RBFOX1: variants seen among roughly 807,000 people sequenced by gnomAD.
The protein encoded by RBFOX1 is RNA binding fox-1 homolog 1, also known as RNA binding protein fox-1 homolog 1.
A neutral mutation model predicts 57.7 loss-of-function variants in RBFOX1; 8 were observed. That is an observed-to-expected ratio of 0.14 (90% CI 0.08 to 0.25). The LOEUF (loss-of-function observed/expected upper bound fraction) is 0.25. Among genes scored for constraint, RBFOX1 ranks in the 10% least tolerant of loss-of-function variants. The pLI, the probability that RBFOX1 is intolerant of heterozygous loss-of-function variation, is 1.00. For synonymous variants in RBFOX1, 326 were observed against 222.4 expected, an observed-to-expected ratio of 1.47 and a Z score of -4.15; for missense variants, 611 against 548.5, an observed-to-expected ratio of 1.11 and a Z score of -1.14.
chr16:6,955,691 A>ATTTT (rs1199217624), intron 3 of RBFOX1, among the ~76,000 whole-genome samples: 6 of 150,534 alleles, frequency 4.0e-5, no homozygotes, highest in Non-Finnish European at 5.9e-5. Flanking sequence ...GTATGTATGT[A>ATTTT]TTTATTTATT....
chr16:6,961,521 TA>T (rs1451392726), intron 3 of RBFOX1, among the ~76,000 whole-genome samples: 4 of 152,290 alleles, frequency 2.6e-5, no homozygotes, highest in Non-Finnish European at 5.9e-5. Context: ...AGCGAGTCCG[TA>T]AAGTCAAAGC....
intron 2 of RBFOX1, among the ~76,000 whole-genome samples, chr16:5,569,213 G>C (rs1278925669): frequency 6.6e-6 from 1 of 152,020 alleles, no homozygotes; most frequent in African/African-American, 2.4e-5. Context: ...CAGGGCATTG[G>C]TGGAGCCGGG....
chr16:7,210,500 A>C lies in RBFOX1; in HGVS notation c.27+158402A>C, dbSNP rs530903019. Among the ~76,000 whole-genome samples, 44 of 152,334 alleles carry C rather than the reference A, an allele frequency of 2.9e-4. No homozygotes were observed. In the South Asian group the frequency reaches 6.0e-3, roughly 21 times the overall value. ...ACAATCAATGTTAGGTGTTATTCAT[A>C]TCTATAAAATGCCTTCACAGCAATA... On this transcript the variant is annotated intron_variant, in intron 4 of 15. Coordinates refer to ENST00000550418, the MANE Select transcript of RBFOX1 (RefSeq NM_018723.4).
At chr16:6,498,715 TGTA>T (rs2095840631) in intron 2 of RBFOX1, among the ~76,000 whole-genome samples, 1 of 152,180 alleles carries the variant, frequency 6.6e-6, no homozygotes, top group Non-Finnish European at 1.5e-5. Flanking sequence ...GTATTTACAA[TGTA>T]TTAAGTCCTG....
intron 1 of RBFOX1, among the ~76,000 whole-genome samples, chr16:6,153,823 A>C (rs549261300): frequency 6.6e-6 from 1 of 152,324 alleles, no homozygotes; most frequent in African/African-American, 2.4e-5. Flanking sequence ...GGTGTGAGCC[A>C]CCATGCCCGG....
chr16:6,848,460 G>C (rs374233692), intron 3 of RBFOX1, among the ~76,000 whole-genome samples: 1 of 152,100 alleles, frequency 6.6e-6, no homozygotes, highest in Admixed American at 6.6e-5. Flanking sequence ...GCAGGCACCC[G>C]ATTGCCAGCC....
At chr16:7,230,100 A>G (rs2093413319) in intron 4 of RBFOX1, among the ~76,000 whole-genome samples, 1 of 147,166 alleles carries the variant, frequency 6.8e-6, no homozygotes, top group African/African-American at 2.5e-5. Context: ...AGGGGAGGGA[A>G]AGAAGGAAGG....
intron 1 of RBFOX1, among the ~76,000 whole-genome samples, chr16:5,353,416 G>C (rs2065308671): frequency 6.6e-6 from 1 of 151,460 alleles, no homozygotes; most frequent in South Asian, 2.1e-4. Flanking sequence ...GAGTTCCCCA[G>C]CCCTCCCCTC....
chr16:7,406,035 A>G (rs1386083138), intron 4 of RBFOX1, among the ~76,000 whole-genome samples: 1 of 152,154 alleles, frequency 6.6e-6, no homozygotes, highest in African/African-American at 2.4e-5. Context: ...CACAACAAAG[A>G]ATTACCTGGT....
Position 6,097,214 on chromosome 16 carries a change from G to C in RBFOX1, c.-127+77222G>C, listed in dbSNP as rs1232289012. Among the ~76,000 whole-genome samples the C allele has an allele frequency of 3.3e-5, 5 of 152,188 alleles. No homozygotes were observed. The highest frequency in any genetic ancestry group is 9.6e-5 in the African/African-American group (4 of 41,452). On this transcript the variant is annotated intron_variant, in intron 1 of 15. Coordinates refer to ENST00000550418, the MANE Select transcript of RBFOX1 (RefSeq NM_018723.4). This position sits in a 1 kb window ranked among gnomAD's most constrained non-coding sequence, Gnocchi z 5.0. ...CTGCCATGATTGTGAGGCCTCCGTA[G>C]CCATGTGGAACTGTGAGTCCATTAA...
At chr16:7,048,085 G>A (rs1459006698) in intron 3 of RBFOX1, among the ~76,000 whole-genome samples, 1 of 151,954 alleles carries the variant, frequency 6.6e-6, no homozygotes, top group East Asian at 1.9e-4. Context: ...CACCATGTTG[G>A]CCAGGCTGGT....
intron 1 of RBFOX1, among the ~76,000 whole-genome samples, chr16:6,315,858 G>T (rs1363140808): frequency 8.5e-5 from 13 of 152,092 alleles, no homozygotes; most frequent in Non-Finnish European, 1.5e-5. Flanking sequence ...GGACTCACCA[G>T]ATGTGAAGAC....
At chr16:7,489,463 TC>T (rs2066337986) in intron 4 of RBFOX1, among the ~76,000 whole-genome samples, 1 of 152,024 alleles carries the variant, frequency 6.6e-6, no homozygotes, top group Admixed American at 6.6e-5. Flanking sequence ...CTTTTGCTGT[TC>T]CTATTTTGGA....
At chr16:6,848,208 G>A (rs946126078) in intron 3 of RBFOX1, among the ~76,000 whole-genome samples, 3 of 151,932 alleles carry the variant, frequency 2.0e-5, no homozygotes, top group African/African-American at 7.3e-5. Flanking sequence ...AGCAAGTGGC[G>A]ACACCATGGT....
At chr16:6,421,224 G>C (rs925574098) in intron 2 of RBFOX1, among the ~76,000 whole-genome samples, 8 of 152,124 alleles carry the variant, frequency 5.3e-5, no homozygotes, top group African/African-American at 1.9e-4. Flanking sequence ...CCTCTCCTTC[G>C]GGAGGGGACA....
chr16:6,888,286 G>A (rs557726148), intron 3 of RBFOX1, among the ~76,000 whole-genome samples: 2 of 152,282 alleles, frequency 1.3e-5, no homozygotes, highest in East Asian at 1.9e-4. Flanking sequence ...GTTTCTGACA[G>A]CTTAAGTCCT....
At chr16:7,304,333 C>G (rs1023164057) in intron 4 of RBFOX1, 1 of 984,924 alleles carries the variant, frequency 1.0e-6, no homozygotes, top group East Asian at 1.1e-4. Context: ...CAGAGAGCAA[C>G]GTGATTGCAT....
intron 5 of RBFOX1, among the ~76,000 whole-genome samples, chr16:7,519,483 A>T (rs564016420): frequency 6.6e-6 from 1 of 152,344 alleles, no homozygotes; most frequent in Non-Finnish European, 1.5e-5. Context: ...ATGTAAACAG[A>T]AACATTTTAT....
At chr16:7,156,732 C>T (rs987265990) in intron 4 of RBFOX1, among the ~76,000 whole-genome samples, 6 of 152,174 alleles carry the variant, frequency 3.9e-5, no homozygotes, top group African/African-American at 1.4e-4. Flanking sequence ...CTTATTGATG[C>T]ATGTTAAATG....
Sources: gnomAD v4.1 joint callset for allele counts (sites outside exome capture counted in the v4.1 genomes callset) on GRCh38, gnomAD v4.1.1 for gene constraint, Gnocchi (gnomAD v3.1) non-coding constraint, MANE v1.5 for transcripts, NCBI Gene and HGNC (gene_info 2026-07-23, HGNC 2026-07-21) for gene names.